CACNA1A: variants seen among roughly 807,000 people sequenced by gnomAD.
CACNA1A encodes calcium voltage-gated channel subunit alpha1 A, also known as voltage-dependent P/Q-type calcium channel subunit alpha-1A.
In CACNA1A, 57 loss-of-function variants were observed where a neutral mutation model predicts 262.4. That is an observed-to-expected ratio of 0.22 (90% CI 0.18 to 0.27). The LOEUF (loss-of-function observed/expected upper bound fraction) is 0.27, where lower values mean the gene tolerates loss of function less well. CACNA1A is among the 10% of genes least tolerant of loss of function. The pLI, the probability that CACNA1A is intolerant of heterozygous loss-of-function variation, is 1.00. For missense variants in CACNA1A, 2,526 were observed against 3,562.8 expected (o/e 0.71, Z 7.41); for synonymous variants, 1,431 against 1,419.3 (o/e 1.01, Z -0.18).
At chr19:13,416,506 C>A (rs2060224949) in intron 3 of CACNA1A, among the ~76,000 whole-genome samples, 1 of 152,054 alleles carries the variant, frequency 6.6e-6, no homozygotes, top group Admixed American at 6.6e-5. Flanking sequence ...CATGGTGAAA[C>A]CCTGTCTCTA....
chr19:13,391,643 T>C (rs760679947), intron 3 of CACNA1A, among the ~76,000 whole-genome samples: 1 of 152,044 alleles, frequency 6.6e-6, no homozygotes, highest in Non-Finnish European at 1.5e-5. Context: ...ACATCGGTAG[T>C]CCTAGCACTT....
At chr19:13,281,518 T>A (rs1045908222) in intron 22 of CACNA1A, among the ~76,000 whole-genome samples, 1 of 151,826 alleles carries the variant, frequency 6.6e-6, no homozygotes, top group African/African-American at 2.4e-5. Flanking sequence ...GTCTGGATCA[T>A]CCTCTAGAGT....
chr19:13,452,673 T>C (rs761084156), intron 3 of CACNA1A: 32 of 497,264 alleles, frequency 6.4e-5, no homozygotes, highest in Non-Finnish European at 9.6e-5. Context: ...TGAGCTATTA[T>C]TTTAATTGTA....
chr19:13,287,597 G>A lies in CACNA1A; in HGVS notation c.3090-631C>T, dbSNP rs149746054. On this transcript the variant is annotated intron_variant, in intron 19 of 46. Transcript: ENST00000360228. ...GCTCACTGCAACCTCTGGCTCCCAGGTTCAAGCGATTCTCTTGCCTCAGCC... is the reference window on the plus strand; with the variant it reads ...GCTCACTGCAACCTCTGGCTCCCAGATTCAAGCGATTCTCTTGCCTCAGCC... Among the ~76,000 whole-genome samples, 1,364 of 152,000 alleles carry A rather than the reference G, an allele frequency of 9.0e-3. 20 individuals are homozygous for A. The highest frequency in any genetic ancestry group is 0.031 in the African/African-American group (1,272 of 41,408).
chr19:13,375,684 A>T (rs913562262), intron 3 of CACNA1A, among the ~76,000 whole-genome samples: 4 of 152,206 alleles, frequency 2.6e-5, no homozygotes, highest in African/African-American at 9.6e-5. Flanking sequence ...GCTACTTAGG[A>T]GGCTGAGGTG....
chr19:13,217,006 G>A (rs557336988), intron 38 of CACNA1A, among the ~76,000 whole-genome samples: 42 of 152,206 alleles, frequency 2.8e-4, no homozygotes, highest in Non-Finnish European at 4.6e-4. Flanking sequence ...GGTGGCGTGC[G>A]CCTGTAATCC....
chr19:13,502,843 T>C (rs1214002655), intron 1 of CACNA1A, among the ~76,000 whole-genome samples: 2 of 152,270 alleles, frequency 1.3e-5, no homozygotes, highest in Non-Finnish European at 2.9e-5. Flanking sequence ...CAGTGTACCA[T>C]GCCAGAATTT....
At chr19:13,234,078 G>A (rs372151160) in intron 34 of CACNA1A, among the ~76,000 whole-genome samples, 138 of 139,976 alleles carry the variant, frequency 9.9e-4, no homozygotes, top group East Asian at 7.9e-3. Flanking sequence ...GGCTGGGCAC[G>A]GTGGCTCACG....
chr19:13,398,139 TG>T (rs2059840428), intron 3 of CACNA1A, among the ~76,000 whole-genome samples: 1 of 151,880 alleles, frequency 6.6e-6, no homozygotes, highest in African/African-American at 2.4e-5. Flanking sequence ...GGCGGGCACC[TG>T]TAATTCCAGC....
rs750670933 is a variant in CACNA1A, at chr19:13,417,690, G to GAA, written c.539+35185_539+35186insTT. Among the ~76,000 whole-genome samples the GAA allele has an allele frequency of 5.4e-4, 82 of 152,172 alleles. No individual in the cohort carries two copies. In the Middle Eastern group the frequency reaches 0.014, roughly 25 times the overall value. ...GATCACAACAAGGTCAGGAGATCGA[G>GAA]ACCAGCCTGGCCCACATGGTGAAAC... On this transcript the variant is annotated intron_variant, in intron 3 of 46. Transcript: ENST00000360228.
chr19:13,346,658 A>G (rs1296933631), intron 6 of CACNA1A, among the ~76,000 whole-genome samples: 1 of 5,514 alleles, frequency 1.8e-4, no homozygotes, highest in Non-Finnish European at 2.8e-4. Flanking sequence ...ATATATATAT[A>G]TATATATATT....
chr19:13,277,023 T>A, intron 23 of CACNA1A, 46 bp downstream of exon 23: 2 of 1,157,458 alleles, frequency 1.7e-6, no homozygotes, highest in Non-Finnish European at 2.4e-6. Context: ...TGCACTTGCT[T>A]AAAAAAAAAA....
chr19:13,365,512 T>C lies in CACNA1A; in HGVS notation c.632-43A>G, dbSNP rs1375040210. 1.9e-6 allele frequency: 3 copies of C among 1,591,794 alleles called. No individual in the cohort carries two copies. In the South Asian group the frequency reaches 3.4e-5, roughly 18 times the overall value. ...GAGGCCCCATAAGCCCATGAGCAAG[T>C]ACCCCCAAACCCCGCCACCAAGACG... On this transcript the variant is annotated intron_variant, in intron 4 of 46. Coordinates refer to ENST00000360228, the MANE Select transcript of CACNA1A (RefSeq NM_001127222.2).
intron 11 of CACNA1A, among the ~76,000 whole-genome samples, chr19:13,313,273 G>A (rs572344578): frequency 1.1e-4 from 16 of 152,092 alleles, no homozygotes; most frequent in Admixed American, 6.5e-4. Flanking sequence ...AGGCCTAGGC[G>A]GTCAGATCAA....
intron 11 of CACNA1A, among the ~76,000 whole-genome samples, chr19:13,314,456 GC>G (rs747842860): frequency 7.2e-5 from 11 of 152,154 alleles, no homozygotes; most frequent in Non-Finnish European, 1.2e-4. Flanking sequence ...GGGATTAGGT[GC>G]CCTTATAAAA....
intron 20 of CACNA1A, 49 bp from the exon 21 acceptor site, chr19:13,285,255 G>A: frequency 1.2e-6 from 2 of 1,608,558 alleles, no homozygotes; most frequent in Non-Finnish European, 8.5e-7. Context: ...TTTCCCACAA[G>A]TCTCTGGGAA....
chr19:13,258,570 G>C (rs1351324745), intron 27 of CACNA1A: 1 of 152,106 alleles, frequency 6.6e-6, no homozygotes, highest in Non-Finnish European at 1.5e-5. Context: ...TGTTGAGAAA[G>C]GTGTTTAAAA....
intron 34 of CACNA1A, 36 bp downstream of exon 34, chr19:13,234,885 C>G: frequency 6.9e-7 from 1 of 1,455,004 alleles, no homozygotes; most frequent in Non-Finnish European, 9.7e-7. Context: ...CCCCACCCCA[C>G]GGAAACAGAA....
At chr19:13,304,011 C>T (rs952064865) in intron 15 of CACNA1A, 127 bp from the exon 16 acceptor site, 91 of 675,292 alleles carry the variant, frequency 1.3e-4, no homozygotes, top group Admixed American at 1.8e-4. Context: ...CAATCCTGCC[C>T]GGTTTGCAGA....
Sources: gnomAD v4.1 joint callset for allele counts (sites outside exome capture counted in the v4.1 genomes callset) on GRCh38, gnomAD v4.1.1 for gene constraint, MANE v1.5 for transcripts, NCBI Gene and HGNC (gene_info 2026-07-23, HGNC 2026-07-21) for gene names.